The following ANOS1 variants were observed in gnomAD, a reference collection of about 807,000 sequenced individuals.
The protein encoded by ANOS1 is anosmin-1.
In ANOS1, 6 loss-of-function variants were observed where a neutral mutation model predicts 59.0. The observed-to-expected ratio is 0.10, with a 90% CI of 0.06 to 0.20. The LOEUF (loss-of-function observed/expected upper bound fraction) is 0.20, where lower values mean the gene tolerates loss of function less well. Among genes scored for constraint, ANOS1 ranks in the 10% least tolerant of loss-of-function variants. The pLI is 1.00. For synonymous variants in ANOS1, 217 were observed against 223.4 expected (o/e 0.97, Z 0.25); for missense variants, 433 against 542.3 (o/e 0.80, Z 2.00).
chrX:8,562,571 G>C (rs5978902), intron 8 of ANOS1, among the ~76,000 whole-genome samples: 11,229 of 111,824 alleles, frequency 0.1, 1,350 homozygotes, highest in African/African-American at 0.35. Context: ...ATTTTTCAAA[G>C]ATCCAAGTTT....
In ANOS1 at chrX:8,553,949, T is replaced by C. The variant is rs756675332; in HGVS notation, c.1354+3A>G. 2.5e-6 allele frequency: 3 copies of C among 1,203,942 alleles called. No individual in the cohort carries two copies. Among genetic ancestry groups the C allele is most frequent in the Non-Finnish European group, 3.4e-6 (3 of 889,585 alleles). Reference sequence around the variant, plus strand: ...AAGAAATAAGTAAGTAATGTTTATGTACCTTCTGTCTTCTTCCAGTAGACT... The same window carrying C: ...AAGAAATAAGTAAGTAATGTTTATGCACCTTCTGTCTTCTTCCAGTAGACT... On this transcript the variant is annotated splice_donor_region_variant and intron_variant, in intron 9 of 13. Coordinates refer to ENST00000262648, the MANE Select transcript of ANOS1 (RefSeq NM_000216.4).
intron 3 of ANOS1, among the ~76,000 whole-genome samples, chrX:8,606,473 A>G (rs915146216): frequency 1.1e-4 from 12 of 112,751 alleles, no homozygotes; most frequent in African/African-American, 3.9e-4. Context: ...ACATCAGTAA[A>G]TAATAAAACA....
At chrX:8,675,994 T>A (rs1390949592) in intron 2 of ANOS1, among the ~76,000 whole-genome samples, 1 of 110,003 alleles carries the variant, frequency 9.1e-6, no homozygotes, top group African/African-American at 3.3e-5. Flanking sequence ...TTACTGAGGA[T>A]AATGGCTTCC....
At chrX:8,572,283 C>A (rs1302475104) in intron 6 of ANOS1, among the ~76,000 whole-genome samples, 1 of 110,523 alleles carries the variant, frequency 9.0e-6, no homozygotes, top group Non-Finnish European at 1.9e-5. Context: ...GATGCTCTAC[C>A]TCCCCACCTC....
chrX:8,559,518 G>T (rs549325368), intron 8 of ANOS1, among the ~76,000 whole-genome samples: 25 of 111,724 alleles, frequency 2.2e-4, no homozygotes, highest in African/African-American at 8.1e-4. Flanking sequence ...GGTAGTTCAA[G>T]ATTTCATTCT....
In ANOS1 at chrX:8,596,842, A is replaced by C. The variant is rs186735066; in HGVS notation, c.541+192T>G. ...TAATATGAATGACTTGCTCTGCCCC[A>C]TGTCGAGTTAATATGGCTAATCTTT... On this transcript the variant is annotated intron_variant, in intron 4 of 13. Transcript: ENST00000262648. 0.011 allele frequency among the ~76,000 whole-genome samples: 1,282 copies of C among 112,139 alleles called. 22 individuals are homozygous for C. Among genetic ancestry groups the C allele is most frequent in the African/African-American group, 0.04 (1,225 of 30,840 alleles).
intron 2 of ANOS1, among the ~76,000 whole-genome samples, chrX:8,624,197 G>C (rs1436498668): frequency 7.4e-5 from 8 of 108,796 alleles, no homozygotes; most frequent in African/African-American, 2.3e-4. Context: ...TGTATTTTTA[G>C]TAGAGATGGG....
intron 3 of ANOS1, among the ~76,000 whole-genome samples, chrX:8,623,009 ATAGC>A (rs1931319748): frequency 9.5e-6 from 1 of 105,670 alleles, no homozygotes; most frequent in Non-Finnish European, 1.9e-5. Context: ...GGATGGATGG[ATAGC>A]TGGATGGATG....
At position 8,530,463 on chromosome X, in the gene ANOS1, T is replaced by A. The variant is rs1320111137; in HGVS notation, c.*2532A>T. 5.4e-5 allele frequency: 6 copies of A among 111,725 alleles called. No individual in the cohort carries two copies. The highest frequency in any genetic ancestry group is 4.7e-3 in the Middle Eastern group (1 of 212). The allele number at this position is 111,725 out of a possible 1,213,427, so 9.2% of individuals were successfully genotyped here. A position where few individuals can be genotyped will look rare whatever the true frequency, so the allele number is the denominator to read the frequency against. On this transcript the variant is annotated 3_prime_UTR_variant, in exon 14 of 14. Transcript: ENST00000262648. ...AAATTATAACTATATTTTTGATCAT[T>A]TGAATAATACTGGAGCTTATTAAAA... is the stretch of plus-strand genomic sequence containing the variant.
At chrX:8,695,167 C>T (rs894365122) in intron 2 of ANOS1, among the ~76,000 whole-genome samples, 3 of 111,450 alleles carry the variant, frequency 2.7e-5, no homozygotes, top group African/African-American at 9.8e-5. Flanking sequence ...CAAAAATTAG[C>T]TGGGCATGGT....
chrX:8,548,982 C>T (rs914102825), intron 9 of ANOS1, among the ~76,000 whole-genome samples: 1 of 111,935 alleles, frequency 8.9e-6, no homozygotes, highest in Non-Finnish European at 1.9e-5. Context: ...GTCACATGAG[C>T]TCATCACTCC....
chrX:8,707,249 C>T (rs745345437), intron 1 of ANOS1, among the ~76,000 whole-genome samples: 7 of 111,919 alleles, frequency 6.3e-5, no homozygotes, highest in Non-Finnish European at 1.1e-4. Flanking sequence ...ACAAATGGTA[C>T]TGATTGAAGA....
At chrX:8,608,664 T>A (rs1312854591) in intron 3 of ANOS1, among the ~76,000 whole-genome samples, 1 of 112,257 alleles carries the variant, frequency 8.9e-6, no homozygotes. Flanking sequence ...AATCTCATCT[T>A]GAATTGTAGT....
At chrX:8,566,323 G>T (rs1197366257) in intron 8 of ANOS1, 63 of 612,235 alleles carry the variant, frequency 1.0e-4, no homozygotes, top group Non-Finnish European at 1.1e-4. Context: ...TAGGAATAAT[G>T]TATGTGTGTG....
intron 1 of ANOS1, among the ~76,000 whole-genome samples, chrX:8,728,551 T>C (rs1932940864): frequency 9.0e-6 from 1 of 111,288 alleles, no homozygotes; most frequent in African/African-American, 3.3e-5. Flanking sequence ...CAAAGCCCAC[T>C]TCCCTGTTCC....
chrX:8,669,688 C>A (rs1932224278), intron 2 of ANOS1, among the ~76,000 whole-genome samples: 1 of 111,474 alleles, frequency 9.0e-6, no homozygotes, highest in African/African-American at 3.3e-5. Context: ...GTATGTACAT[C>A]ATAATATAGG....
intron 2 of ANOS1, among the ~76,000 whole-genome samples, chrX:8,643,330 C>T (rs751760579): frequency 1.8e-5 from 2 of 111,580 alleles, no homozygotes; most frequent in South Asian, 7.5e-4. Flanking sequence ...CAGTATAAAT[C>T]ATGTGTTGCA....
chrX:8,698,937 T>G (rs1300823560), intron 2 of ANOS1, among the ~76,000 whole-genome samples: 1 of 111,994 alleles, frequency 8.9e-6, no homozygotes, highest in African/African-American at 3.2e-5. Flanking sequence ...GTTTATAAAA[T>G]AAGGTGTACT....
intron 2 of ANOS1, among the ~76,000 whole-genome samples, chrX:8,664,407 A>C (rs908367084): frequency 9.1e-6 from 1 of 109,506 alleles, no homozygotes; most frequent in Non-Finnish European, 1.9e-5. Flanking sequence ...GTTAGCCAGG[A>C]TGGTCTCAAT....
Sources: gnomAD v4.1 joint callset for allele counts (sites outside exome capture counted in the v4.1 genomes callset) on GRCh38, gnomAD v4.1.1 for gene constraint, MANE v1.5 for transcripts, NCBI Gene and HGNC (gene_info 2026-07-23, HGNC 2026-07-21) for gene names.